The following SMAD2 variants were observed in gnomAD, a reference collection of about 807,000 sequenced individuals.
The protein encoded by SMAD2 is MAD homolog 2.
A neutral mutation model predicts 64.4 loss-of-function variants in SMAD2; 8 were observed. That is an observed-to-expected ratio of 0.12 (90% CI 0.07 to 0.22). The LOEUF (loss-of-function observed/expected upper bound fraction) is 0.22. Ranked by LOEUF, SMAD2 falls within the 10% of genes least tolerant of loss-of-function variation. The pLI, the probability that SMAD2 is intolerant of heterozygous loss-of-function variation, is 1.00. For missense variants in SMAD2, 289 were observed against 561.2 expected (o/e 0.51, Z 4.90); for synonymous variants, 203 against 195.8 (o/e 1.04, Z -0.31).
At chr18:47,843,965 C>CA (rs943041024) in intron 10 of SMAD2, among the ~76,000 whole-genome samples, 2 of 65,358 alleles carry the variant, frequency 3.1e-5, no homozygotes, top group East Asian at 2.9e-4. Context: ...TTCTGAAGAA[C>CA]AAAAAAAAGT....
In SMAD2 at chr18:47,813,227, C is replaced by G. The variant is rs1381964361; in HGVS notation, c.*28600G>C. 1 of 151,964 alleles carries G rather than the reference C, an allele frequency of 6.6e-6. No homozygotes were observed. The highest frequency in any genetic ancestry group is 1.5e-5 in the Non-Finnish European group (1 of 68,008). 9.4% of individuals were successfully genotyped at this position (151,964 alleles called of 1,614,324 possible). ...CTTGGTCTCAAAAATAACTAAATAA[C>G]TAAATAAAATAAACTGGGTCCTTAT... is the stretch of plus-strand genomic sequence containing the variant. On this transcript the variant is annotated 3_prime_UTR_variant, in exon 11 of 11. Coordinates refer to ENST00000262160, the MANE Select transcript of SMAD2 (RefSeq NM_005901.6).
At chr18:47,871,603 G>A (rs531494504) in intron 2 of SMAD2, among the ~76,000 whole-genome samples, 20 of 152,104 alleles carry the variant, frequency 1.3e-4, no homozygotes, top group East Asian at 5.8e-4. Context: ...ACAGTGACCC[G>A]ACAGTTCAAA....
intron 2 of SMAD2, among the ~76,000 whole-genome samples, chr18:47,889,599 G>A (rs935371851): frequency 5.9e-5 from 9 of 151,926 alleles, no homozygotes; most frequent in African/African-American, 1.2e-4. Context: ...GTGAAACTCC[G>A]TCTCTACTAA....
At position 47,924,611 on chromosome 18, in the gene SMAD2, G is replaced by A. The variant is rs375632844; in HGVS notation, c.-54+5750C>T. Reference sequence around the variant, plus strand: ...TGAGCAGCTGGGACTACAGGTACCCGCCACCACACCCAGCTAATTTTTGCA... The same window carrying A: ...TGAGCAGCTGGGACTACAGGTACCCACCACCACACCCAGCTAATTTTTGCA... On this transcript the variant is annotated intron_variant, in intron 1 of 10. Coordinates refer to ENST00000262160, the MANE Select transcript of SMAD2 (RefSeq NM_005901.6). Among the ~76,000 whole-genome samples, 43 of 152,014 alleles carry A rather than the reference G, an allele frequency of 2.8e-4. 1 individual carries two copies. The South Asian group carries it at 8.3e-3, about 29-fold the overall frequency.
At chr18:47,853,774 AAGTCACAAATCTGCTGG>A in intron 6 of SMAD2, among the ~76,000 whole-genome samples, 1 of 151,746 alleles carries the variant, frequency 6.6e-6, no homozygotes, top group Non-Finnish European at 1.5e-5. Context: ...ATCTGCTGGC[AAGTCACAAATCTGCTGG>A]CAAGTCACAA....
At chr18:47,891,193 T>C (rs1410715976) in intron 2 of SMAD2, among the ~76,000 whole-genome samples, 1 of 152,082 alleles carries the variant, frequency 6.6e-6, no homozygotes, top group Non-Finnish European at 1.5e-5. Context: ...TAATCCCAGC[T>C]ACTTGGGAGG....
intron 1 of SMAD2, among the ~76,000 whole-genome samples, chr18:47,914,939 A>G (rs1256860523): frequency 6.6e-6 from 1 of 152,166 alleles, no homozygotes; most frequent in Non-Finnish European, 1.5e-5. Flanking sequence ...TATGCAAATG[A>G]GTATTTCCAT....
chr18:47,844,711 C>T (rs1223809426), intron 10 of SMAD2, among the ~76,000 whole-genome samples: 1 of 152,112 alleles, frequency 6.6e-6, no homozygotes, highest in Non-Finnish European at 1.5e-5. Context: ...GTGTTACCTG[C>T]AACGATGGCA....
rs1286089585 is a variant in SMAD2, at chr18:47,831,167, T to C, written c.*10660A>G. 6 of 152,236 alleles carry C rather than the reference T, an allele frequency of 3.9e-5. No individual in the cohort carries two copies. The highest frequency in any genetic ancestry group is 8.8e-5 in the Non-Finnish European group (6 of 68,056). 9.4% of individuals were successfully genotyped at this position (152,236 alleles called of 1,614,324 possible). Reference sequence around the variant, plus strand: ...CCAAGCTATCTAGGCCTTGTGATTATATGTGGGCTTCATAGCAGAACCTAC... The same window carrying C: ...CCAAGCTATCTAGGCCTTGTGATTACATGTGGGCTTCATAGCAGAACCTAC... On this transcript the variant is annotated 3_prime_UTR_variant, in exon 11 of 11. Coordinates refer to ENST00000262160, the MANE Select transcript of SMAD2 (RefSeq NM_005901.6).
intron 6 of SMAD2, among the ~76,000 whole-genome samples, chr18:47,852,807 C>A (rs1322793886): frequency 2.0e-5 from 3 of 152,054 alleles, no homozygotes; most frequent in African/African-American, 7.2e-5. Context: ...CACAAACATA[C>A]AAAATAAGAA....
At chr18:47,885,182 C>CACACAT (rs2032831709) in intron 2 of SMAD2, among the ~76,000 whole-genome samples, 1 of 139,988 alleles carries the variant, frequency 7.1e-6, no homozygotes, top group Non-Finnish European at 1.6e-5. Flanking sequence ...CACACACACA[C>CACACAT]ATATACCCTC....
chr18:47,916,402 A>G (rs1039844536), intron 1 of SMAD2, among the ~76,000 whole-genome samples: 6 of 151,622 alleles, frequency 4.0e-5, no homozygotes, highest in African/African-American at 1.5e-4. Context: ...AGGTATATTT[A>G]TTTATTTATT....
chr18:47,928,199 C>G (rs1431397265), intron 1 of SMAD2, among the ~76,000 whole-genome samples: 1 of 152,118 alleles, frequency 6.6e-6, no homozygotes, highest in Non-Finnish European at 1.5e-5. Flanking sequence ...ACAAAAACAC[C>G]TGTATAAAAA....
chr18:47,901,570 T>C (rs2033684692), intron 1 of SMAD2, among the ~76,000 whole-genome samples: 1 of 99,892 alleles, frequency 1.0e-5, no homozygotes, highest in Non-Finnish European at 2.1e-5. Context: ...TCTGTATTCA[T>C]TTGTTACATT....
intron 1 of SMAD2, among the ~76,000 whole-genome samples, chr18:47,925,461 T>C (rs1227061028): frequency 2.0e-5 from 3 of 152,224 alleles, no homozygotes; most frequent in Middle Eastern, 6.3e-3. Flanking sequence ...CTAATATTTC[T>C]GGCTATCTGA....
At chr18:47,898,073 A>G (rs2033517950) in intron 1 of SMAD2, among the ~76,000 whole-genome samples, 1 of 152,208 alleles carries the variant, frequency 6.6e-6, no homozygotes. Context: ...ATGATCAGAC[A>G]ATAGTTTTTA....
chr18:47,901,323 C>T (rs980304741), intron 1 of SMAD2, among the ~76,000 whole-genome samples: 6 of 152,156 alleles, frequency 3.9e-5, no homozygotes, highest in African/African-American at 9.6e-5. Flanking sequence ...TATAGCCACA[C>T]TTATTTCCTT....
chr18:47,820,942 A>AC lies in SMAD2; in HGVS notation c.*20884_*20885insG, dbSNP rs1273171634. 1.6e-5 allele frequency: 2 copies of AC among 128,388 alleles called. No individual in the cohort carries two copies. The highest frequency in any genetic ancestry group is 3.3e-5 in the Non-Finnish European group (2 of 60,188). The allele number at this position is 128,388 out of a possible 1,614,324, so 8.0% of individuals were successfully genotyped here. ...ACACACACACACACACACACACACAAAATTTGGTCCCCAATGTTAGAACAA... is the reference window on the plus strand; with the variant it reads ...ACACACACACACACACACACACACAACAATTTGGTCCCCAATGTTAGAACAA... On this transcript the variant is annotated 3_prime_UTR_variant, in exon 11 of 11. Coordinates refer to ENST00000262160, the MANE Select transcript of SMAD2 (RefSeq NM_005901.6).
chr18:47,856,772 T>G (rs1443647066), intron 6 of SMAD2, among the ~76,000 whole-genome samples: 1 of 152,210 alleles, frequency 6.6e-6, no homozygotes, highest in Non-Finnish European at 1.5e-5. Context: ...CTGGTAAAAG[T>G]TGAACCTTTT....
Sources: allele counts gnomAD v4.1 joint callset (sites outside exome capture counted in the v4.1 genomes callset), GRCh38; gene constraint gnomAD v4.1.1; transcripts MANE v1.5; gene names NCBI Gene and HGNC (gene_info 2026-07-23, HGNC 2026-07-21).